ASIC2: variants seen among roughly 807,000 people sequenced by gnomAD.
ASIC2 encodes acid sensing ion channel subunit 2.
Under a neutral mutation model 57.3 loss-of-function variants are expected in ASIC2, and 25 were observed. That is an observed-to-expected ratio of 0.44 (90% CI 0.32 to 0.61). The LOEUF (loss-of-function observed/expected upper bound fraction) is 0.61, where lower values mean the gene tolerates loss of function less well. ASIC2 is among the 20% of genes least tolerant of loss of function. The probability of loss-of-function intolerance (pLI) is 0.06; values close to 1 mark genes in which losing one functional copy is unlikely to be tolerated. For missense variants in ASIC2, 641 were observed against 738.1 expected, an observed-to-expected ratio of 0.87 and a Z score of 1.52; for synonymous variants, 319 against 307.5, an observed-to-expected ratio of 1.04 and a Z score of -0.39.
At chr17:33,568,069 AC>A (rs1484396467) in intron 1 of ASIC2, among the ~76,000 whole-genome samples, 9 of 152,210 alleles carry the variant, frequency 5.9e-5, no homozygotes, top group African/African-American at 1.9e-4. Context: ...AATGGCAGTA[AC>A]ATCATCCCTC....
At chr17:33,296,971 C>A (rs1597671402), upstream of ASIC2, among the ~76,000 whole-genome samples, 3 of 152,356 alleles carry the variant, frequency 2.0e-5, no homozygotes, top group Admixed American at 2.0e-4. Context: ...GAACATCTTG[C>A]TGTGTTTAAA....
intron 1 of ASIC2, among the ~76,000 whole-genome samples, chr17:34,074,903 A>T (rs1045774321): frequency 2.7e-5 from 4 of 148,674 alleles, no homozygotes; most frequent in Non-Finnish European, 5.9e-5. Flanking sequence ...CTCCTGTCTC[A>T]GCCCCCTGAG....
chr17:34,143,588 G>A (rs1912331224), intron 1 of ASIC2, among the ~76,000 whole-genome samples: 2 of 152,204 alleles, frequency 1.3e-5, no homozygotes, highest in African/African-American at 4.8e-5. Context: ...GCAGCACAAG[G>A]CTCTCAGCAG....
intron 1 of ASIC2, among the ~76,000 whole-genome samples, chr17:33,803,023 C>T (rs1912174143): frequency 6.6e-6 from 1 of 152,220 alleles, no homozygotes; most frequent in South Asian, 2.1e-4. Context: ...TGGTAAACCT[C>T]TCTCTTTTCT....
intron 1 of ASIC2, among the ~76,000 whole-genome samples, chr17:33,806,704 C>G (rs1912277139): frequency 6.6e-6 from 1 of 152,132 alleles, no homozygotes; most frequent in Non-Finnish European, 1.5e-5. Context: ...TTCTGGTTTC[C>G]CTGGGTCCTG....
At chr17:33,636,140 G>T (rs1906355768) in intron 1 of ASIC2, among the ~76,000 whole-genome samples, 1 of 152,170 alleles carries the variant, frequency 6.6e-6, no homozygotes, top group Non-Finnish European at 1.5e-5. Flanking sequence ...ATGTGGATAT[G>T]TTATGTGCAT....
chr17:33,728,964 A>G (rs1434713387), intron 1 of ASIC2, among the ~76,000 whole-genome samples: 1 of 152,144 alleles, frequency 6.6e-6, no homozygotes, highest in African/African-American at 2.4e-5. Flanking sequence ...GCTGGGCCCC[A>G]TCACCCCCGA....
At chr17:33,781,943 G>C (rs1873473) in intron 1 of ASIC2, among the ~76,000 whole-genome samples, 16,797 of 152,138 alleles carry the variant, frequency 0.11, 1,027 homozygotes, top group East Asian at 0.22. Flanking sequence ...CAAGCCACCG[G>C]TGGCTCTCTT....
chr17:33,147,722 C>A (rs1196234363), intron 1 of ASIC2, among the ~76,000 whole-genome samples: 2 of 152,154 alleles, frequency 1.3e-5, no homozygotes, highest in Admixed American at 6.5e-5. Flanking sequence ...CGGGCCAGTG[C>A]CAACTTAGAC....
chr17:33,718,864 C>G (rs1954573196), intron 1 of ASIC2, among the ~76,000 whole-genome samples: 1 of 152,144 alleles, frequency 6.6e-6, no homozygotes, highest in South Asian at 2.1e-4. Flanking sequence ...TAAGAGGGGT[C>G]AGTGACAGCC....
At chr17:33,378,861 T>C (rs771084406) in intron 1 of ASIC2, among the ~76,000 whole-genome samples, 2 of 152,138 alleles carry the variant, frequency 1.3e-5, no homozygotes, top group Non-Finnish European at 2.9e-5. Context: ...AGCAAGGCAG[T>C]TGGAATCTGA....
At chr17:33,868,588 G>T (rs1914307719) in intron 1 of ASIC2, among the ~76,000 whole-genome samples, 1 of 151,980 alleles carries the variant, frequency 6.6e-6, no homozygotes, top group Non-Finnish European at 1.5e-5. Flanking sequence ...AGGAACAAAA[G>T]AAAAAATAGA....
chr17:34,108,819 C>A (rs1418675190), intron 1 of ASIC2, among the ~76,000 whole-genome samples: 1 of 151,916 alleles, frequency 6.6e-6, no homozygotes, highest in Admixed American at 6.6e-5. Flanking sequence ...AAGTGCATAT[C>A]CATTTATAAT....
At chr17:34,036,305 A>G (rs1417273553) in intron 1 of ASIC2, among the ~76,000 whole-genome samples, 3 of 144,884 alleles carry the variant, frequency 2.1e-5, no homozygotes, top group African/African-American at 2.5e-5. Context: ...TCTCACTCAT[A>G]GATGGGAATT....
chr17:34,138,088 C>T (rs908526234), intron 1 of ASIC2, among the ~76,000 whole-genome samples: 3 of 152,262 alleles, frequency 2.0e-5, no homozygotes, highest in South Asian at 4.1e-4. Context: ...CTAACTCCTC[C>T]GAGCAGAAGC....
intron 1 of ASIC2, among the ~76,000 whole-genome samples, chr17:33,743,892 A>G (rs932870597): frequency 3.9e-5 from 6 of 152,148 alleles, no homozygotes; most frequent in African/African-American, 1.2e-4. Flanking sequence ...CTTTGCCCCA[A>G]GTACAACAGG....
chr17:33,898,866 G>T (rs1353730687), intron 1 of ASIC2, among the ~76,000 whole-genome samples: 1 of 152,080 alleles, frequency 6.6e-6, no homozygotes, highest in East Asian at 1.9e-4. Flanking sequence ...GGCTTGGCAG[G>T]TTACAGGGTG....
At chr17:33,718,480 G>A (rs1238188589) in intron 1 of ASIC2, among the ~76,000 whole-genome samples, 1 of 152,044 alleles carries the variant, frequency 6.6e-6, no homozygotes, top group African/African-American at 2.4e-5. Context: ...GAAAGTGTGA[G>A]AAGATGCCCT....
intron 3 of ASIC2, among the ~76,000 whole-genome samples, chr17:33,040,463 T>A (rs765459206): frequency 1.3e-5 from 2 of 152,196 alleles, no homozygotes; most frequent in Non-Finnish European, 2.9e-5. Flanking sequence ...AAATCAGGGG[T>A]CTGGACCAGA....
Sources: allele counts gnomAD v4.1 joint callset (sites outside exome capture counted in the v4.1 genomes callset), GRCh38; gene constraint gnomAD v4.1.1; transcripts MANE v1.5; gene names NCBI Gene and HGNC (gene_info 2026-07-23, HGNC 2026-07-21).